SSBP2: variants seen among roughly 807,000 people sequenced by gnomAD.
SSBP2 encodes the protein single stranded DNA binding protein 2, also known as single-stranded DNA-binding protein 2.
A neutral mutation model predicts 61.8 loss-of-function variants in SSBP2; 17 were observed. The observed-to-expected ratio is 0.28, with a 90% CI of 0.19 to 0.41. The LOEUF is 0.41. Among genes scored for constraint, SSBP2 ranks in the 10% least tolerant of loss-of-function variants. SSBP2 has a pLI of 1.00. For synonymous variants in SSBP2, 139 were observed against 141.3 expected (o/e 0.98, Z 0.12); for missense variants, 310 against 458.7 (o/e 0.68, Z 2.96).
At chr5:81,500,785 G>T (rs1767649261) in intron 5 of SSBP2, among the ~76,000 whole-genome samples, 1 of 152,000 alleles carries the variant, frequency 6.6e-6, no homozygotes, top group South Asian at 2.1e-4. Flanking sequence ...ATAGAACTGA[G>T]AAATTATTAT....
chr5:81,606,257 C>T (rs1744870790), intron 4 of SSBP2, among the ~76,000 whole-genome samples: 1 of 152,150 alleles, frequency 6.6e-6, no homozygotes, highest in Non-Finnish European at 1.5e-5. Flanking sequence ...TAGAATTAGT[C>T]TGAAAGACCC....
intron 1 of SSBP2, among the ~76,000 whole-genome samples, chr5:81,702,374 AAAAC>A (rs545936358): frequency 7.8e-4 from 119 of 152,002 alleles, no homozygotes; most frequent in African/African-American, 2.7e-3. Flanking sequence ...CCATCTCAAA[AAAAC>A]AAACAAACAA....
At chr5:81,532,874 G>T (rs941371659) in intron 4 of SSBP2, among the ~76,000 whole-genome samples, 3 of 151,744 alleles carry the variant, frequency 2.0e-5, no homozygotes, top group African/African-American at 7.3e-5. Context: ...TAACTAATAA[G>T]GTTTAAAGTG....
chr5:81,544,475 C>G (rs1356856477), intron 4 of SSBP2, among the ~76,000 whole-genome samples: 1 of 152,156 alleles, frequency 6.6e-6, no homozygotes, highest in African/African-American at 2.4e-5. Context: ...GCAGGTGTGT[C>G]TCTTGAACTT....
intron 1 of SSBP2, among the ~76,000 whole-genome samples, chr5:81,693,305 CA>C (rs1299530321): frequency 4.0e-5 from 6 of 150,924 alleles, no homozygotes; most frequent in Admixed American, 4.0e-4. Flanking sequence ...CACAAGCAAT[CA>C]AAGCAAAAAT....
At chr5:81,473,453 CTG>C (rs905976268) in intron 8 of SSBP2, among the ~76,000 whole-genome samples, 1 of 152,098 alleles carries the variant, frequency 6.6e-6, no homozygotes, top group African/African-American at 2.4e-5. Context: ...GTTCCCCTCC[CTG>C]TGTTCATAAA....
At chr5:81,562,072 T>C (rs935059707) in intron 4 of SSBP2, among the ~76,000 whole-genome samples, 4 of 141,566 alleles carry the variant, frequency 2.8e-5, no homozygotes, top group Non-Finnish European at 1.5e-5. Flanking sequence ...ACTTGGCTAA[T>C]TTTTTTTTTT....
At chr5:81,546,645 G>C (rs1477365610) in intron 4 of SSBP2, among the ~76,000 whole-genome samples, 2 of 151,792 alleles carry the variant, frequency 1.3e-5, no homozygotes, top group Non-Finnish European at 2.9e-5. Flanking sequence ...AAAACTACTA[G>C]TCTGCTTAAA....
intron 1 of SSBP2, among the ~76,000 whole-genome samples, chr5:81,686,603 T>C (rs1752791837): frequency 6.6e-6 from 1 of 151,740 alleles, no homozygotes; most frequent in South Asian, 2.1e-4. Context: ...ATGCCTGTAA[T>C]CTCAGCGCTT....
chr5:81,609,639 C>A (rs1467453969), intron 4 of SSBP2, among the ~76,000 whole-genome samples: 1 of 152,154 alleles, frequency 6.6e-6, no homozygotes, highest in Non-Finnish European at 1.5e-5. Context: ...CACCTCCAAG[C>A]CAAAGACAGT....
In SSBP2 at chr5:81,419,493, A is replaced by AC. The variant is rs1238572259; in HGVS notation, c.*1010dup. On this transcript the variant is annotated 3_prime_UTR_variant, in exon 17 of 17. Transcript: ENST00000320672. Reference sequence around the variant, plus strand: ...CAAAAAGTCTGAATAAAAACCAGATACCATTTCACATTAGTATGTTATTAA... The same window carrying AC: ...CAAAAAGTCTGAATAAAAACCAGATACCCATTTCACATTAGTATGTTATTAA... 1 of 152,228 alleles carries AC rather than the reference A, an allele frequency of 6.6e-6. No individual in the cohort carries two copies. Among genetic ancestry groups the AC allele is most frequent in the Non-Finnish European group, 1.5e-5 (1 of 68,034 alleles). 9.4% of individuals were successfully genotyped at this position (152,228 alleles called of 1,614,324 possible). A position where few individuals can be genotyped will look rare whatever the true frequency, so the allele number is the denominator to read the frequency against.
At chr5:81,464,374 C>T (rs765119049) in intron 9 of SSBP2, among the ~76,000 whole-genome samples, 1 of 152,210 alleles carries the variant, frequency 6.6e-6, no homozygotes, top group Non-Finnish European at 1.5e-5. Flanking sequence ...CTTATAAATG[C>T]TACTTTAAAT....
intron 14 of SSBP2, among the ~76,000 whole-genome samples, chr5:81,438,292 A>C (rs1762798605): frequency 6.6e-6 from 1 of 151,370 alleles, no homozygotes; most frequent in Non-Finnish European, 1.5e-5. Flanking sequence ...CAGAGGTTGC[A>C]GTGAGCCGAG....
intron 1 of SSBP2, among the ~76,000 whole-genome samples, chr5:81,737,294 TAAAAAA>T (rs5869085): frequency 2.9e-5 from 4 of 139,058 alleles, no homozygotes; most frequent in Non-Finnish European, 3.1e-5. Flanking sequence ...TTCTCCAAGT[TAAAAAA>T]AAAAAAAAAA....
Position 81,751,051 on chromosome 5 carries a change from C to T in SSBP2, c.-9G>A, listed in dbSNP as rs776523796. 1 of 1,588,574 alleles carries T rather than the reference C, an allele frequency of 6.3e-7. No homozygotes were observed. Among genetic ancestry groups the T allele is most frequent in the Non-Finnish European group, 8.6e-7 (1 of 1,167,534 alleles). On this transcript the variant is annotated 5_prime_UTR_variant, in exon 1 of 17. Transcript: ENST00000320672. ...TTGCCTTTGCCGTACATGCTTGTGC[C>T]GAGAGCAGCTCCCACTGTCACGCAC...
intron 15 of SSBP2, among the ~76,000 whole-genome samples, chr5:81,435,999 C>A (rs1195253913): frequency 2.6e-5 from 4 of 151,896 alleles, no homozygotes; most frequent in Non-Finnish European, 4.4e-5. Flanking sequence ...ACCAGCCTGA[C>A]CAATATGGTG....
intron 4 of SSBP2, among the ~76,000 whole-genome samples, chr5:81,604,255 CTTTT>C (rs1208837769): frequency 7.2e-6 from 1 of 138,516 alleles, no homozygotes; most frequent in African/African-American, 2.6e-5. Context: ...CTTTTCTTTT[CTTTT>C]TTTTTTTTTT....
intron 16 of SSBP2, among the ~76,000 whole-genome samples, chr5:81,425,885 A>G (rs766813786): frequency 5.3e-5 from 8 of 152,184 alleles, no homozygotes; most frequent in Non-Finnish European, 1.2e-4. Flanking sequence ...GATAGTATCT[A>G]GTACATAAAG....
At chr5:81,675,957 G>A (rs564886800) in intron 1 of SSBP2, among the ~76,000 whole-genome samples, 3 of 152,228 alleles carry the variant, frequency 2.0e-5, no homozygotes, top group Admixed American at 1.3e-4. Flanking sequence ...CACTACGTCA[G>A]TCAATAGAAA....
Sources: gnomAD v4.1 joint callset for allele counts (sites outside exome capture counted in the v4.1 genomes callset) on GRCh38, gnomAD v4.1.1 for gene constraint, MANE v1.5 for transcripts, NCBI Gene and HGNC (gene_info 2026-07-23, HGNC 2026-07-21) for gene names.